The following TTC21B variants were observed in gnomAD, a reference collection of about 807,000 sequenced individuals.
TTC21B encodes tetratricopeptide repeat domain 21B.
Under a neutral mutation model 175.1 loss-of-function variants are expected in TTC21B, and 127 were observed. That is an observed-to-expected ratio of 0.73 (90% CI 0.63 to 0.84). The LOEUF (loss-of-function observed/expected upper bound fraction) is 0.84, where lower values mean the gene tolerates loss of function less well. Ranked by LOEUF, TTC21B falls within the 40% of genes least tolerant of loss-of-function variation. The pLI, the probability that TTC21B is intolerant of heterozygous loss-of-function variation, is 0.00. For synonymous variants in TTC21B, 524 were observed against 524.5 expected (o/e 1.00, Z 0.01); for missense variants, 1,561 against 1,558.3 (o/e 1.00, Z -0.03).
At chr2:165,886,743 C>T (rs1443750350) in intron 25 of TTC21B, among the ~76,000 whole-genome samples, 5 of 152,090 alleles carry the variant, frequency 3.3e-5, no homozygotes, top group East Asian at 1.9e-4. Flanking sequence ...GTAGGGATAA[C>T]GGATTTAGTC....
At chr2:165,917,597 G>T in intron 13 of TTC21B, 116 bp from the exon 14 acceptor site, 1 of 839,622 alleles carries the variant, frequency 1.2e-6, no homozygotes, top group African/African-American at 1.7e-5. Context: ...TTGATTGTAT[G>T]CATGAGGTCT....
At chr2:165,917,113 A>T in intron 14 of TTC21B, 144 bp downstream of exon 14, 2 of 735,790 alleles carry the variant, frequency 2.7e-6, no homozygotes, top group Non-Finnish European at 4.7e-6. Context: ...TCCTGACCTC[A>T]GATGATCCAT....
At position 165,931,772 on chromosome 2, in the gene TTC21B, C is replaced by A. The variant is rs141240501; in HGVS notation, c.880G>T (p.Ala294Ser). ...GGCACTCTCACAGTTCTGCTGAAGG[C>A]GAGTGTAATGTTATAGAAAAGTTGA... is the stretch of plus-strand genomic sequence containing the variant. Reference protein sequence around the residue: ...NAQLFYNITLAFSRTCGRSQL... With the variant: ...NAQLFYNITLSFSRTCGRSQL... The change falls in exon 8 of 29, where the codon GCC (alanine) becomes TCC (serine). Residue 294 changes from alanine to serine, a missense_variant. Ala to Ser is a moderately conservative substitution (Grantham distance 99). Transcript: ENST00000243344. 8.2e-5 allele frequency: 133 copies of A among 1,613,034 alleles called. 1 individual carries two copies. In the East Asian group the frequency reaches 1.1e-3, roughly 14 times the overall value.
At chr2:165,927,332 ATAT>A (rs1344428026) in intron 11 of TTC21B, among the ~76,000 whole-genome samples, 1 of 86,046 alleles carries the variant, frequency 1.2e-5, no homozygotes, top group African/African-American at 3.8e-5. Context: ...TATATATATA[ATAT>A]ATAATATATA....
intron 17 of TTC21B, 71 bp downstream of exon 17, chr2:165,912,443 C>T (rs1336425359): frequency 8.3e-6 from 10 of 1,211,082 alleles, no homozygotes; most frequent in Non-Finnish European, 1.2e-5. Flanking sequence ...ATGGTGCTCG[C>T]TGAAGCTTCT....
intron 16 of TTC21B, among the ~76,000 whole-genome samples, 167 bp downstream of exon 16, chr2:165,913,407 C>T (rs912759391): frequency 2.0e-5 from 3 of 152,162 alleles, no homozygotes; most frequent in African/African-American, 7.2e-5. Context: ...AAATTGATAT[C>T]TCCCTTTTAT....
Position 165,890,829 on chromosome 2 carries a change from T to C in TTC21B, c.3101+9A>G, listed in dbSNP as rs764331829. 5 of 1,612,148 alleles carry C rather than the reference T, an allele frequency of 3.1e-6. No individual in the cohort carries two copies. Among genetic ancestry groups the C allele is most frequent in the Middle Eastern group, 1.6e-4 (1 of 6,072 alleles). On this transcript the variant is annotated intron_variant, in intron 23 of 28. Coordinates refer to ENST00000243344, the MANE Select transcript of TTC21B (RefSeq NM_024753.5). ...AAATCATGTAGCATTTATTTGTAAA[T>C]AGATTTACCAAAGATACAGTCCTTT...
At chr2:165,889,987 C>A (rs747248382) in intron 24 of TTC21B, among the ~76,000 whole-genome samples, 8 of 152,130 alleles carry the variant, frequency 5.3e-5, no homozygotes, top group Non-Finnish European at 1.2e-4. Context: ...ACACTAACAG[C>A]AGTCAGGACT....
intron 21 of TTC21B, 68 bp downstream of exon 21, chr2:165,899,702 C>A (rs1685486006): frequency 9.8e-7 from 1 of 1,018,208 alleles, no homozygotes; most frequent in Non-Finnish European, 1.6e-6. Context: ...AGTAGTAGTT[C>A]CATGGGGTAA....
chr2:165,879,697 T>C (rs1389186309), intron 27 of TTC21B: 1 of 152,028 alleles, frequency 6.6e-6, no homozygotes, highest in Non-Finnish European at 1.5e-5. Flanking sequence ...CATGGAAAAA[T>C]AAAACAGCAC....
chr2:165,945,166 G>A (rs1261208138), intron 4 of TTC21B, among the ~76,000 whole-genome samples: 3 of 152,012 alleles, frequency 2.0e-5, no homozygotes, highest in Non-Finnish European at 4.4e-5. Flanking sequence ...ATTATTAACA[G>A]TACAAATAAT....
chr2:165,920,745 C>CTAAATATTTAAAATATTTCGAAATATTT lies in TTC21B; in HGVS notation c.1517-1313_1517-1312insAAATATTTCGAAATATTTTAAATATTTA, dbSNP rs1686359949. The stretch of plus-strand genomic sequence containing the variant: ...GGAGATGGATATGTAGGGTAGGATA[C>CTAAATATTTAAAATATTTCGAAATATTT]TAAATATTTAAAATATTTTGAAATA... On this transcript the variant is annotated intron_variant, in intron 12 of 28. Coordinates refer to ENST00000243344, the MANE Select transcript of TTC21B (RefSeq NM_024753.5). Among the ~76,000 whole-genome samples the CTAAATATTTAAAATATTTCGAAATATTT allele has an allele frequency of 2.2e-5, 3 of 135,938 alleles. No individual in the cohort carries two copies. The South Asian group carries it at 7.4e-4, about 33-fold the overall frequency. The allele number at this position is 135,938 out of a possible 152,430, so 89.2% of individuals were successfully genotyped here.
At chr2:165,883,653 T>C in intron 26 of TTC21B, 141 bp downstream of exon 26, 1 of 703,310 alleles carries the variant, frequency 1.4e-6, no homozygotes, top group Non-Finnish European at 2.4e-6. Context: ...AATGCTTGTT[T>C]CCTGATTGTG....
At chr2:165,914,657 C>CTGTGTGTGTGTG (rs551411661) in intron 15 of TTC21B, among the ~76,000 whole-genome samples, 2,336 of 118,108 alleles carry the variant, frequency 0.02, 59 homozygotes, top group Non-Finnish European at 0.023. Flanking sequence ...GAAGAGCAAT[C>CTGTGTGTGTGTG]TGTGTGTGTG....
chr2:165,890,436 A>G (rs749630870), intron 24 of TTC21B, 43 bp downstream of exon 24: 2 of 1,593,614 alleles, frequency 1.3e-6, no homozygotes, highest in Non-Finnish European at 1.7e-6. Flanking sequence ...TATTATCTCC[A>G]ACAAGTGTTT....
At chr2:165,938,543 C>G (rs1305694612) in intron 6 of TTC21B, among the ~76,000 whole-genome samples, 1 of 152,092 alleles carries the variant, frequency 6.6e-6, no homozygotes, top group African/African-American at 2.4e-5. Context: ...ACCTCTAGAT[C>G]CAACTACCAA....
At chr2:165,875,843 T>C (rs1341587807) in intron 28 of TTC21B, among the ~76,000 whole-genome samples, 1 of 151,894 alleles carries the variant, frequency 6.6e-6, no homozygotes, top group Non-Finnish European at 1.5e-5. Context: ...AAAAGTCTCT[T>C]TTACTCCACC....
At chr2:165,913,425 A>G (rs1468354799) in intron 16 of TTC21B, 149 bp downstream of exon 16, 3 of 610,628 alleles carry the variant, frequency 4.9e-6, no homozygotes, top group East Asian at 5.6e-5. Context: ...TATTTTATTT[A>G]TCCTTTAAAA....
chr2:165,945,713 A>C (rs1574143303), intron 3 of TTC21B, 23 bp from the exon 4 acceptor site: 1 of 1,606,886 alleles, frequency 6.2e-7, no homozygotes, highest in South Asian at 1.1e-5. Flanking sequence ...AATGATATTA[A>C]ATAAAAATTA....
Sources: allele counts gnomAD v4.1 joint callset (sites outside exome capture counted in the v4.1 genomes callset), GRCh38; gene constraint gnomAD v4.1.1; transcripts MANE v1.5; gene names NCBI Gene and HGNC (gene_info 2026-07-23, HGNC 2026-07-21).